Variants in ACOT13 observed in about 807,000 individuals in gnomAD.
ACOT13 encodes acyl-coenzyme A thioesterase 13.
ACOT13 carries 10 observed loss-of-function variants against 11.8 expected under a neutral mutation model. That is an observed-to-expected ratio of 0.85 (90% CI 0.53 to 1.44). The LOEUF is 1.44. Among genes scored for constraint, ACOT13 ranks in the 40% most tolerant of loss-of-function variants. The pLI is 0.00. For missense variants in ACOT13, 172 were observed against 174.1 expected, an observed-to-expected ratio of 0.99 and a Z score of 0.07; for synonymous variants, 53 against 61.0, an observed-to-expected ratio of 0.87 and a Z score of 0.61.
At chr6:24,698,834 C>T (rs552575583) in intron 2 of ACOT13, among the ~76,000 whole-genome samples, 77 of 152,128 alleles carry the variant, frequency 5.1e-4, no homozygotes, top group African/African-American at 1.7e-3. Context: ...GACGGGGTTT[C>T]ACCATGTTGG....
rs1288151881 is a variant in ACOT13 at position 24,672,145 on chromosome 6, G to A, written c.81+4801G>A. On this transcript the variant is annotated intron_variant, in intron 1 of 2. Transcript: ENST00000230048. Reference sequence around the variant, plus strand: ...AAAACACCTGATATCACAAAAATAGGATCACAGGTCATTATAAAATAAATC... The same window carrying A: ...AAAACACCTGATATCACAAAAATAGAATCACAGGTCATTATAAAATAAATC... 2.0e-5 allele frequency among the ~76,000 whole-genome samples: 3 copies of A among 152,134 alleles called. No homozygotes were observed. The East Asian group carries it at 5.8e-4, about 29-fold the overall frequency.
At position 24,681,963 on chromosome 6, in the gene ACOT13, G is replaced by A. The variant is rs543400713; in HGVS notation, c.81+14619G>A. Among the ~76,000 whole-genome samples, 3 of 152,310 alleles carry A rather than the reference G, an allele frequency of 2.0e-5. No homozygotes were observed. The East Asian group carries it at 5.8e-4, about 29-fold the overall frequency. On this transcript the variant is annotated intron_variant, in intron 1 of 2. Transcript: ENST00000230048. ...CTGTTGAGTAGAGACTTCTGGCTGC[G>A]CCATGATCTCAACAGGCTAATGCCG...
chr6:24,672,190 T>A (rs1778376448), intron 1 of ACOT13, among the ~76,000 whole-genome samples: 1 of 152,224 alleles, frequency 6.6e-6, no homozygotes, highest in Non-Finnish European at 1.5e-5. Context: ...ACCAAAGTGA[T>A]AACTCAAGGA....
Position 24,674,509 on chromosome 6 carries a change from A to G in ACOT13, c.81+7165A>G, listed in dbSNP as rs191964196. ...GTGCAGCGTCTGCTTCCTGTGTTCA[A>G]GTTATTCTCCTGCGTCAGCCTCCTG... On this transcript the variant is annotated intron_variant, in intron 1 of 2. Transcript: ENST00000230048. Among the ~76,000 whole-genome samples the G allele has an allele frequency of 2.8e-4, 43 of 152,194 alleles. 1 individual carries two copies. Among genetic ancestry groups the G allele is most frequent in the Middle Eastern group, 6.8e-3 (2 of 294 alleles).
At chr6:24,675,617 A>T (rs1778439813) in intron 1 of ACOT13, among the ~76,000 whole-genome samples, 1 of 152,104 alleles carries the variant, frequency 6.6e-6, no homozygotes, top group Non-Finnish European at 1.5e-5. Context: ...TTCTTTGTAG[A>T]TTCTGGATAT....
At chr6:24,688,221 G>A (rs11755972) in intron 1 of ACOT13, among the ~76,000 whole-genome samples, 6 of 151,702 alleles carry the variant, frequency 4.0e-5, no homozygotes, top group Non-Finnish European at 5.9e-5. Context: ...AAAAAAATTT[G>A]TTGCAGCATT....
intron 1 of ACOT13, among the ~76,000 whole-genome samples, chr6:24,670,702 A>G (rs1778346513): frequency 6.6e-6 from 1 of 152,220 alleles, no homozygotes; most frequent in African/African-American, 2.4e-5. Context: ...ATATGCTCCA[A>G]ATTTTGTTGA....
At chr6:24,692,915 G>C (rs1408505409) in intron 1 of ACOT13, among the ~76,000 whole-genome samples, 1 of 152,220 alleles carries the variant, frequency 6.6e-6, no homozygotes. Context: ...AGAAATGCTG[G>C]ACTGATAACA....
Position 24,697,458 on chromosome 6 carries a change from A to G in ACOT13, c.82-425A>G, listed in dbSNP as rs375334798. Among the ~76,000 whole-genome samples the G allele has an allele frequency of 4.6e-4, 68 of 149,446 alleles. No homozygotes were observed. In the South Asian group the frequency reaches 0.013, roughly 29 times the overall value. On this transcript the variant is annotated intron_variant, in intron 1 of 2. Coordinates refer to ENST00000230048, the MANE Select transcript of ACOT13 (RefSeq NM_018473.4). ...CTCAATGACTGAATTTGTCTTTTAA[A>G]TTGAACTGTTCATTAAGTGACTTAA...
In ACOT13 at chr6:24,682,728, C is replaced by T. The variant is rs185399019; in HGVS notation, c.82-15155C>T. On this transcript the variant is annotated intron_variant, in intron 1 of 2. Transcript: ENST00000230048. ...GGCGGCAAACAGCAGTGGTGGATGG[C>T]GAGCGAAAGCTCAGCTCGAGCCATA... 1.9e-3 allele frequency among the ~76,000 whole-genome samples: 285 copies of T among 150,888 alleles called. 1 individual carries two copies. The highest frequency in any genetic ancestry group is 6.7e-3 in the African/African-American group (274 of 40,776).
intron 1 of ACOT13, among the ~76,000 whole-genome samples, chr6:24,682,653 G>T (rs988732683): frequency 6.6e-6 from 1 of 152,056 alleles, no homozygotes; most frequent in Non-Finnish European, 1.5e-5. Context: ...GGAGGGATGG[G>T]AGTCAGTGGT....
At chr6:24,700,124 C>T (rs1215861865) in intron 2 of ACOT13, among the ~76,000 whole-genome samples, 3 of 152,146 alleles carry the variant, frequency 2.0e-5, no homozygotes, top group Non-Finnish European at 4.4e-5. Flanking sequence ...TAGACTGTGA[C>T]TTAGGTTAAA....
intron 1 of ACOT13, among the ~76,000 whole-genome samples, chr6:24,688,092 A>G (rs180728144): frequency 2.9e-4 from 44 of 152,320 alleles, no homozygotes; most frequent in African/African-American, 9.9e-4. Context: ...GTGATATTCA[A>G]AATTGATCAA....
intron 2 of ACOT13, among the ~76,000 whole-genome samples, chr6:24,699,773 G>C (rs969123217): frequency 6.6e-6 from 1 of 152,208 alleles, no homozygotes. Flanking sequence ...ATTAAGAGCA[G>C]AGAGATCTTC....
chr6:24,688,998 G>T (rs1413047998), intron 1 of ACOT13, among the ~76,000 whole-genome samples: 1 of 152,172 alleles, frequency 6.6e-6, no homozygotes, highest in Non-Finnish European at 1.5e-5. Context: ...AGCACTGTGA[G>T]TCTGGCTAAT....
At chr6:24,682,331 G>T (rs1778564911) in intron 1 of ACOT13, among the ~76,000 whole-genome samples, 1 of 152,264 alleles carries the variant, frequency 6.6e-6, no homozygotes, top group Non-Finnish European at 1.5e-5. Flanking sequence ...TCCCAAGATG[G>T]TTGTGGGCCA....
At chr6:24,686,837 G>A (rs1213975971) in intron 1 of ACOT13, among the ~76,000 whole-genome samples, 9 of 152,044 alleles carry the variant, frequency 5.9e-5, no homozygotes, top group Non-Finnish European at 1.3e-4. Flanking sequence ...ATGTAGCTGG[G>A]ACCACAGGGG....
intron 1 of ACOT13, among the ~76,000 whole-genome samples, chr6:24,670,917 T>C (rs1194734103): frequency 6.6e-6 from 1 of 152,098 alleles, no homozygotes; most frequent in Non-Finnish European, 1.5e-5. Flanking sequence ...TATTCTCATG[T>C]AACAATCTCC....
At chr6:24,687,679 G>A (rs1267872617) in intron 1 of ACOT13, 3 of 1,342,134 alleles carry the variant, frequency 2.2e-6, no homozygotes, top group Admixed American at 4.6e-5. Flanking sequence ...AAAGAAGACA[G>A]AAATGGTTAG....
Sources: gnomAD v4.1 joint callset for allele counts (sites outside exome capture counted in the v4.1 genomes callset) on GRCh38, gnomAD v4.1.1 for gene constraint, MANE v1.5 for transcripts, NCBI Gene and HGNC (gene_info 2026-07-23, HGNC 2026-07-21) for gene names.